OXR1: variants seen among roughly 807,000 people sequenced by gnomAD.
OXR1 encodes the protein oxidation resistance 1.
A neutral mutation model predicts 104.6 loss-of-function variants in OXR1; 41 were observed. That is an observed-to-expected ratio of 0.39 (90% CI 0.31 to 0.51). The LOEUF is 0.51. OXR1 is among the 20% of genes least tolerant of loss of function. The probability of loss-of-function intolerance (pLI) is 0.77; values close to 1 mark genes in which losing one functional copy is unlikely to be tolerated. For synonymous variants in OXR1, 348 were observed against 348.4 expected (o/e 1.00, Z 0.01); for missense variants, 955 against 1,031.9 (o/e 0.93, Z 1.02).
At chr8:106,273,370 A>G (rs1811896894) in intron 1 of OXR1, among the ~76,000 whole-genome samples, 1 of 152,230 alleles carries the variant, frequency 6.6e-6, no homozygotes, top group East Asian at 1.9e-4. Context: ...TTAGGGATAG[A>G]TCTTGTTGAT....
intron 1 of OXR1, among the ~76,000 whole-genome samples, chr8:106,344,140 T>C (rs1586548262): frequency 6.6e-6 from 1 of 152,156 alleles, no homozygotes; most frequent in Non-Finnish European, 1.5e-5. Context: ...TTAGAGTGCA[T>C]AGAAATGTCA....
At chr8:106,484,301 A>G (rs902155246) in intron 2 of OXR1, among the ~76,000 whole-genome samples, 4 of 152,104 alleles carry the variant, frequency 2.6e-5, no homozygotes, top group African/African-American at 9.6e-5. Context: ...GTAGAATTGC[A>G]ATGTTTCTAC....
chr8:106,383,715 A>G (rs1025528853), intron 2 of OXR1, among the ~76,000 whole-genome samples: 4 of 152,196 alleles, frequency 2.6e-5, no homozygotes, highest in Non-Finnish European at 5.9e-5. Flanking sequence ...TGGGCTTTCA[A>G]AACCATACCA....
At position 106,370,934 on chromosome 8, in the gene OXR1, C is replaced by T. The variant is rs933858418; in HGVS notation, c.23+11298C>T. 1.1e-4 allele frequency among the ~76,000 whole-genome samples: 17 copies of T among 152,166 alleles called. No homozygotes were observed. The South Asian group carries it at 1.7e-3, about 15-fold the overall frequency. On this transcript the variant is annotated intron_variant, in intron 2 of 16. Coordinates refer to ENST00000517566, the MANE Select transcript of OXR1 (RefSeq NM_001198533.2). ...CATAAAATGAGTTAGGGAAGAGTCC[C>T]TTCTTTTCAGTTGTTTGGAATAGTT...
At chr8:106,598,214 C>G (rs1163577614) in intron 3 of OXR1, among the ~76,000 whole-genome samples, 1 of 152,120 alleles carries the variant, frequency 6.6e-6, no homozygotes, top group African/African-American at 2.4e-5. Flanking sequence ...TCTAGGTCAG[C>G]CTTTTCTCCC....
At chr8:106,450,409 A>C (rs935835578) in intron 2 of OXR1, among the ~76,000 whole-genome samples, 10 of 152,184 alleles carry the variant, frequency 6.6e-5, no homozygotes, top group African/African-American at 2.2e-4. Context: ...GGTACATTTA[A>C]TATTAAATTT....
At chr8:106,402,037 A>G (rs7008797) in intron 2 of OXR1, among the ~76,000 whole-genome samples, 8,659 of 152,226 alleles carry the variant, frequency 0.057, 873 homozygotes, top group African/African-American at 0.2. Context: ...AGGGATGGAG[A>G]AAAAGGCATT....
intron 1 of OXR1, among the ~76,000 whole-genome samples, chr8:106,271,341 G>T (rs1289096264): frequency 1.3e-5 from 2 of 152,060 alleles, no homozygotes; most frequent in Non-Finnish European, 2.9e-5. Flanking sequence ...AGTCGTTTAC[G>T]GGGGGAGCTG....
chr8:106,695,780 T>G (rs1006835880), intron 7 of OXR1, among the ~76,000 whole-genome samples: 2 of 149,068 alleles, frequency 1.3e-5, no homozygotes, highest in Admixed American at 6.7e-5. Context: ...ACTTTTAAAT[T>G]TTATGCCACT....
chr8:106,359,032 T>A (rs1002572233), intron 1 of OXR1, among the ~76,000 whole-genome samples: 1 of 151,556 alleles, frequency 6.6e-6, no homozygotes, highest in Non-Finnish European at 1.5e-5. Flanking sequence ...GATGGCAACT[T>A]GTGTCATGGA....
chr8:106,549,534 A>G (rs1563597899), intron 3 of OXR1, among the ~76,000 whole-genome samples: 1 of 152,214 alleles, frequency 6.6e-6, no homozygotes, highest in Non-Finnish European at 1.5e-5. Flanking sequence ...TATTTTTAAA[A>G]TGATCACTAT....
intron 3 of OXR1, among the ~76,000 whole-genome samples, chr8:106,534,854 A>G (rs938681039): frequency 6.6e-6 from 1 of 152,262 alleles, no homozygotes; most frequent in Non-Finnish European, 1.5e-5. Context: ...AATAGGGGGA[A>G]GTAATAGCTA....
At chr8:106,621,895 A>G (rs971253810) in intron 3 of OXR1, among the ~76,000 whole-genome samples, 2 of 152,178 alleles carry the variant, frequency 1.3e-5, no homozygotes, top group African/African-American at 4.8e-5. Context: ...TTAGTCATAT[A>G]CTGGGGTTTA....
At chr8:106,499,388 G>A (rs1811629597) in intron 2 of OXR1, among the ~76,000 whole-genome samples, 1 of 152,204 alleles carries the variant, frequency 6.6e-6, no homozygotes, top group African/African-American at 2.4e-5. Flanking sequence ...AGGGGAAAGA[G>A]TGTATACGTT....
intron 3 of OXR1, among the ~76,000 whole-genome samples, chr8:106,573,344 TACACACACACACAC>T (rs3046716): frequency 2.0e-5 from 3 of 146,644 alleles, no homozygotes; most frequent in Admixed American, 6.8e-5. Context: ...AACCATCACA[TACACACACACACAC>T]ACACACACAC....
intron 11 of OXR1, among the ~76,000 whole-genome samples, chr8:106,716,809 TGTG>T (rs972629439): frequency 1.3e-5 from 2 of 152,200 alleles, no homozygotes; most frequent in Admixed American, 6.5e-5. Flanking sequence ...ACTTTTTTAA[TGTG>T]GTGTCTAGAA....
intron 2 of OXR1, among the ~76,000 whole-genome samples, chr8:106,487,636 T>C (rs1212014191): frequency 6.8e-6 from 1 of 147,710 alleles, no homozygotes; most frequent in African/African-American, 2.5e-5. Flanking sequence ...TGTGATCTCA[T>C]TGTTCAATTC....
At chr8:106,535,990 G>C (rs983424243) in intron 3 of OXR1, among the ~76,000 whole-genome samples, 2 of 152,060 alleles carry the variant, frequency 1.3e-5, no homozygotes, top group Admixed American at 6.6e-5. Context: ...GGAGGCCGAG[G>C]TGGGCGGATC....
At chr8:106,665,850 G>A (rs1826254509) in intron 3 of OXR1, among the ~76,000 whole-genome samples, 2 of 152,190 alleles carry the variant, frequency 1.3e-5, no homozygotes, top group South Asian at 4.2e-4. Context: ...ATGGAAAGAA[G>A]GAAATGTAAT....
Sources: gnomAD v4.1 joint callset for allele counts (sites outside exome capture counted in the v4.1 genomes callset) on GRCh38, gnomAD v4.1.1 for gene constraint, MANE v1.5 for transcripts, NCBI Gene and HGNC (gene_info 2026-07-23, HGNC 2026-07-21) for gene names.